Variants in FSD2 observed in about 807,000 individuals in gnomAD.
FSD2 encodes fibronectin type III and SPRY domain containing 2.
FSD2 carries 71 observed loss-of-function variants against 80.4 expected under a neutral mutation model. The observed-to-expected ratio is 0.88, with a 90% CI of 0.73 to 1.08. The LOEUF (loss-of-function observed/expected upper bound fraction) is 1.08. Ranked by LOEUF, FSD2 falls within the 50% of genes least tolerant of loss-of-function variation. FSD2 has a pLI of 0.00. For synonymous variants in FSD2, 361 were observed against 329.5 expected (o/e 1.10, Z -1.03); for missense variants, 923 against 913.8 (o/e 1.01, Z -0.13).
intron 1 of FSD2, among the ~76,000 whole-genome samples, chr15:82,805,288 A>C (rs2050503487): frequency 6.6e-6 from 1 of 152,050 alleles, no homozygotes; most frequent in African/African-American, 2.4e-5. Flanking sequence ...ATCTACTGAA[A>C]CCTGTGAATT....
In FSD2 at chr15:82,778,893, G is replaced by C; in HGVS notation, c.990-6C>G. 1 of 1,613,762 alleles carries C rather than the reference G, an allele frequency of 6.2e-7. No individual in the cohort carries two copies. The highest frequency in any genetic ancestry group is 8.5e-7 in the Non-Finnish European group (1 of 1,179,794). ...TTTTCAGGAATTTCCCGAGTCTGTT[G>C]GTATAAAAAGACATGCTGACTAGAA... On this transcript the variant is annotated splice_polypyrimidine_tract_variant and splice_region_variant and intron_variant, in intron 5 of 12. Transcript: ENST00000334574.
At chr15:82,784,308 G>A (rs1305594787) in intron 3 of FSD2, among the ~76,000 whole-genome samples, 2 of 151,542 alleles carry the variant, frequency 1.3e-5, no homozygotes, top group Non-Finnish European at 2.9e-5. Context: ...GCAGTGGAGC[G>A]ATCTCAGCTC....
At position 82,756,026 on chromosome 15, in the gene FSD2, T is replaced by C. The variant is rs1258072386; in HGVS notation, c.*3322A>G. ...TAAATGAAAAGGTAGATAGAACAGG[T>C]CTTGTTTGCAAAATAAATTCAAGAC... On this transcript the variant is annotated 3_prime_UTR_variant, in exon 13 of 13. Transcript: ENST00000334574. 2.0e-6 allele frequency: 1 copy of C among 510,458 alleles called. No individual in the cohort carries two copies. Among genetic ancestry groups the C allele is most frequent in the East Asian group, 5.5e-5 (1 of 18,228 alleles). The allele number at this position is 510,458 out of a possible 1,614,324, so 31.6% of individuals were successfully genotyped here.
intron 1 of FSD2, among the ~76,000 whole-genome samples, chr15:82,795,558 A>G (rs2050244537): frequency 6.6e-6 from 1 of 152,214 alleles, no homozygotes; most frequent in Non-Finnish European, 1.5e-5. Flanking sequence ...GGCCAGGTAC[A>G]GTGGCTCACG....
rs149986626 is a variant in FSD2 at position 82,798,873 on chromosome 15, G to GTTTTTT, written c.-79+7092_-79+7093insAAAAAA. 3.8e-4 allele frequency among the ~76,000 whole-genome samples: 42 copies of GTTTTTT among 111,450 alleles called. 3 individuals carry two copies. The highest frequency in any genetic ancestry group is 7.0e-4 in the African/African-American group (19 of 27,316). 73.1% of individuals were successfully genotyped at this position (111,450 alleles called of 152,430 possible). ...AAGTTTTCTTTCCACTATCTCCACT[G>GTTTTTT]TTTTGTTTTTTTTTTTTTTTTTGAG... On this transcript the variant is annotated intron_variant, in intron 1 of 12. Transcript: ENST00000334574.
chr15:82,799,860 G>A (rs2050368849), intron 1 of FSD2, among the ~76,000 whole-genome samples: 1 of 152,140 alleles, frequency 6.6e-6, no homozygotes, highest in South Asian at 2.1e-4. Flanking sequence ...TATTCTGCTG[G>A]TCTACCTTGT....
chr15:82,804,852 A>C (rs1254921128), intron 1 of FSD2, among the ~76,000 whole-genome samples: 3 of 152,222 alleles, frequency 2.0e-5, no homozygotes, highest in Non-Finnish European at 2.9e-5. Flanking sequence ...GGAATTTTGC[A>C]ACACACCCTA....
intron 7 of FSD2, 116 bp from the exon 8 acceptor site, chr15:82,770,000 C>A: frequency 9.2e-7 from 1 of 1,092,210 alleles, no homozygotes; most frequent in Non-Finnish European, 1.3e-6. Flanking sequence ...CCTCCCATCC[C>A]TGTATGCACT....
chr15:82,784,468 G>A (rs560081810), intron 3 of FSD2, among the ~76,000 whole-genome samples: 5 of 151,948 alleles, frequency 3.3e-5, no homozygotes, highest in East Asian at 1.9e-4. Context: ...GGCTGGTCTC[G>A]AACTCCTGAC....
intron 5 of FSD2, among the ~76,000 whole-genome samples, chr15:82,779,465 G>T (rs796653890): frequency 3.1e-4 from 47 of 152,226 alleles, no homozygotes; most frequent in African/African-American, 1.1e-3. Flanking sequence ...AGGAGTTCAA[G>T]ACCAGCCTGG....
At chr15:82,771,607 C>G (rs976745962) in intron 7 of FSD2, among the ~76,000 whole-genome samples, 4 of 152,226 alleles carry the variant, frequency 2.6e-5, no homozygotes, top group African/African-American at 4.8e-5. Context: ...AGCTGATCAC[C>G]AGCAGCCCTT....
chr15:82,774,794 T>C (rs1208476167), intron 6 of FSD2, among the ~76,000 whole-genome samples: 1 of 151,614 alleles, frequency 6.6e-6, no homozygotes, highest in Non-Finnish European at 1.5e-5. Context: ...CGATCTCGGC[T>C]CACCACAGTC....
At chr15:82,786,421 G>GATTC in intron 3 of FSD2, 90 bp downstream of exon 3, 1 of 984,586 alleles carries the variant, frequency 1.0e-6, no homozygotes, top group Non-Finnish European at 1.6e-6. Flanking sequence ...TAAGAAAACA[G>GATTC]ATTCTCTAGC....
At chr15:82,765,380 G>A (rs1045617718) in intron 10 of FSD2, 82 bp from the exon 11 acceptor site, 46 of 1,580,984 alleles carry the variant, frequency 2.9e-5, no homozygotes, top group South Asian at 6.8e-5. Context: ...GTTTAGCTTC[G>A]TGTGGGATAC....
At chr15:82,789,256 A>C (rs1009386675) in intron 1 of FSD2, among the ~76,000 whole-genome samples, 2 of 152,036 alleles carry the variant, frequency 1.3e-5, no homozygotes, top group African/African-American at 2.4e-5. Context: ...ACTTGGAAAA[A>C]GACATACAAT....
At chr15:82,786,399 C>A in intron 3 of FSD2, 112 bp downstream of exon 3, 2 of 790,044 alleles carry the variant, frequency 2.5e-6, no homozygotes, top group Non-Finnish European at 2.1e-6. Flanking sequence ...GGAGTGGTGA[C>A]CCCTCACATT....
intron 1 of FSD2, among the ~76,000 whole-genome samples, chr15:82,790,863 G>A (rs1214230484): frequency 6.6e-6 from 1 of 151,402 alleles, no homozygotes; most frequent in African/African-American, 2.4e-5. Flanking sequence ...GGGATTACAG[G>A]TGTGAGCCAC....
intron 5 of FSD2, 127 bp from the exon 6 acceptor site, chr15:82,779,014 G>C: frequency 9.0e-7 from 1 of 1,107,928 alleles, no homozygotes; most frequent in Non-Finnish European, 1.3e-6. Context: ...GTTACAAACA[G>C]CTGCTGGCTG....
At chr15:82,761,020 A>G (rs1376043515) in intron 12 of FSD2, among the ~76,000 whole-genome samples, 3 of 152,182 alleles carry the variant, frequency 2.0e-5, no homozygotes, top group Non-Finnish European at 4.4e-5. Context: ...GCCTCAGTGT[A>G]TAGTAATTCT....
Sources: allele counts gnomAD v4.1 joint callset (sites outside exome capture counted in the v4.1 genomes callset), GRCh38; gene constraint gnomAD v4.1.1; transcripts MANE v1.5; gene names NCBI Gene and HGNC (gene_info 2026-07-23, HGNC 2026-07-21).